TNFRSF8: variants seen among roughly 807,000 people sequenced by gnomAD.
TNFRSF8 encodes the protein TNF receptor superfamily member 8, also known as tumor necrosis factor receptor superfamily member 8.
A neutral mutation model predicts 70.8 loss-of-function variants in TNFRSF8; 26 were observed. That is an observed-to-expected ratio of 0.37 (90% confidence interval 0.27 to 0.51). The LOEUF (loss-of-function observed/expected upper bound fraction) is 0.51, where lower values mean the gene tolerates loss of function less well. Among genes scored for constraint, TNFRSF8 ranks in the 20% least tolerant of loss-of-function variants. TNFRSF8 has a pLI of 0.94. For synonymous variants in TNFRSF8, 356 were observed against 339.2 expected (o/e 1.05, Z -0.54); for missense variants, 720 against 807.9 (o/e 0.89, Z 1.32).
chr1:12,065,723 A>G (rs1018705498), intron 1 of TNFRSF8, among the ~76,000 whole-genome samples: 14 of 152,296 alleles, frequency 9.2e-5, no homozygotes, highest in African/African-American at 2.6e-4. Context: ...TCCTCTGCCT[A>G]TCTTTTAAAA....
intron 13 of TNFRSF8, among the ~76,000 whole-genome samples, chr1:12,136,163 C>T (rs541717660): frequency 3.8e-4 from 57 of 151,348 alleles, no homozygotes; most frequent in South Asian, 1.9e-3. Context: ...TTTCATTTTT[C>T]AATATAATAT....
At position 12,063,793 on chromosome 1, in the gene TNFRSF8, A is replaced by C; in HGVS notation, c.63+132A>C. The C allele has an allele frequency of 1.2e-6, 1 of 840,246 alleles. No homozygotes were observed. Among genetic ancestry groups the C allele is most frequent in the South Asian group, 5.9e-5 (1 of 16,958 alleles). 52.0% of individuals were successfully genotyped at this position (840,246 alleles called of 1,614,324 possible). On this transcript the variant is annotated intron_variant, in intron 1 of 14. Transcript: ENST00000263932. The surrounding 1 kb of genome is among the most constrained non-coding windows in gnomAD (Gnocchi z 7.2). ...GCTGGAGTGAGGGGGCGCGGGTGACAAGCAGGAACACCGGAATATGCTAGC... is the reference window on the plus strand; with the variant it reads ...GCTGGAGTGAGGGGGCGCGGGTGACCAGCAGGAACACCGGAATATGCTAGC...
At chr1:12,131,007 G>A (rs1019653071) in intron 12 of TNFRSF8, among the ~76,000 whole-genome samples, 2 of 152,202 alleles carry the variant, frequency 1.3e-5, no homozygotes, top group African/African-American at 4.8e-5. Context: ...TTTTACACTT[G>A]TTTGGGAGAG....
intron 14 of TNFRSF8, among the ~76,000 whole-genome samples, chr1:12,139,894 C>T (rs1447930659): frequency 1.3e-5 from 2 of 152,250 alleles, no homozygotes; most frequent in African/African-American, 2.4e-5. Context: ...GCCTTGGCCT[C>T]CCAAAGTACT....
At chr1:12,114,466 G>T (rs1215690467) in intron 7 of TNFRSF8, among the ~76,000 whole-genome samples, 1 of 152,128 alleles carries the variant, frequency 6.6e-6, no homozygotes, top group Non-Finnish European at 1.5e-5. Context: ...TGTAAGAAGA[G>T]ACTGTCCAGC....
rs1006852507 is a variant in TNFRSF8 at position 12,088,087 on chromosome 1, C to T, written c.151+3536C>T. The stretch of plus-strand genomic sequence containing the variant: ...CTGTGTGGCCGGGTTTGCTTGTGGG[C>T]GGGTTGGTGGAGGAAGGAAGCTGAG... On this transcript the variant is annotated intron_variant, in intron 2 of 14. Coordinates refer to ENST00000263932, the MANE Select transcript of TNFRSF8 (RefSeq NM_001243.5). The surrounding 1 kb of genome is among the most constrained non-coding windows in gnomAD (Gnocchi z 4.0). 1.3e-5 allele frequency among the ~76,000 whole-genome samples: 2 copies of T among 152,018 alleles called. No individual in the cohort carries two copies. Among genetic ancestry groups the T allele is most frequent in the Non-Finnish European group, 2.9e-5 (2 of 68,024 alleles).
chr1:12,123,144 A>G (rs1196262518), intron 8 of TNFRSF8, 140 bp from the exon 9 acceptor site: 24 of 679,898 alleles, frequency 3.5e-5, no homozygotes, highest in Non-Finnish European at 5.3e-5. Flanking sequence ...TTCCACTTTG[A>G]TCTTTTGAAA....
chr1:12,063,655 C>T lies in TNFRSF8; in HGVS notation c.57C>T (p.Phe19=). The change falls in exon 1 of 15, where the codon TTC becomes TTT. Residue 19 remains phenylalanine (F), a synonymous_variant. Coordinates refer to ENST00000263932, the MANE Select transcript of TNFRSF8 (RefSeq NM_001243.5). The surrounding 1 kb of genome is among the most constrained non-coding windows in gnomAD (Gnocchi z 7.2). ...GLLFLGALRA[F]PQDRPFEDTC... Reference sequence around the variant, plus strand: ...TGTTCCTGGGGGCGCTACGAGCCTTCCCACAGGTAAGCGGGTGACGGGCGC... The same window carrying T: ...TGTTCCTGGGGGCGCTACGAGCCTTTCCACAGGTAAGCGGGTGACGGGCGC... 1 of 1,277,468 alleles carries T rather than the reference C, an allele frequency of 7.8e-7. No homozygotes were observed. Among genetic ancestry groups the T allele is most frequent in the Non-Finnish European group, 1.0e-6 (1 of 1,002,654 alleles). 79.1% of individuals were successfully genotyped at this position (1,277,468 alleles called of 1,614,324 possible). A position where few individuals can be genotyped will look rare whatever the true frequency, so the allele number is the denominator to read the frequency against.
At chr1:12,128,833 C>CTTTT (rs60878706) in intron 12 of TNFRSF8, among the ~76,000 whole-genome samples, 22,023 of 111,564 alleles carry the variant, frequency 0.2, 3,831 homozygotes, top group East Asian at 0.4. Flanking sequence ...GTCTAAAATT[C>CTTTT]TTTTTTTTTT....
rs142351498 is a variant in TNFRSF8, at chr1:12,142,321, C to T, written c.1578C>T (p.Ile526=). 309 of 1,603,898 alleles carry T rather than the reference C, an allele frequency of 1.9e-4. 2 individuals are homozygous for T. Among genetic ancestry groups the T allele is most frequent in the South Asian group, 8.0e-4 (72 of 89,522 alleles). The change falls in exon 15 of 15, where the codon ATC becomes ATT. Residue 526 remains isoleucine, a synonymous_variant. Coordinates refer to ENST00000263932, the MANE Select transcript of TNFRSF8 (RefSeq NM_001243.5). The surrounding 1 kb of genome is among the most constrained non-coding windows in gnomAD (Gnocchi z 5.0). ...ACATCATGAAGGCTGACACCGTGATCGTGGGGACCGTGAAGGCTGAGCTGC... is the reference window on the plus strand; with the variant it reads ...ACATCATGAAGGCTGACACCGTGATTGTGGGGACCGTGAAGGCTGAGCTGC... ...KIYIMKADTV[I]VGTVKAELPE... is the part of the protein sequence containing the mutation.
chr1:12,075,059 C>G (rs915983896), intron 1 of TNFRSF8, among the ~76,000 whole-genome samples: 7 of 151,990 alleles, frequency 4.6e-5, no homozygotes, highest in African/African-American at 1.7e-4. Context: ...GAGTTTGAGA[C>G]ATGGTGCAAC....
At chr1:12,075,251 A>AAAAAT (rs1553153115) in intron 1 of TNFRSF8, among the ~76,000 whole-genome samples, 23 of 143,942 alleles carry the variant, frequency 1.6e-4, no homozygotes, top group African/African-American at 6.0e-4. Context: ...CAAAAAAAAA[A>AAAAAT]TTTTTTTTTT....
At chr1:12,132,447 G>A (rs763779945) in intron 12 of TNFRSF8, among the ~76,000 whole-genome samples, 4 of 152,212 alleles carry the variant, frequency 2.6e-5, no homozygotes, top group East Asian at 1.9e-4. Context: ...TTTGCGGGAC[G>A]CCTGTCTCCT....
chr1:12,096,473 TAAG>T (rs1641333221), intron 2 of TNFRSF8, among the ~76,000 whole-genome samples: 1 of 151,542 alleles, frequency 6.6e-6, no homozygotes, highest in Non-Finnish European at 1.5e-5. Context: ...CATAATGTTT[TAAG>T]AAAGTTTATG....
chr1:12,090,280 C>G (rs1641225844), intron 2 of TNFRSF8, among the ~76,000 whole-genome samples: 1 of 150,704 alleles, frequency 6.6e-6, no homozygotes, highest in Admixed American at 6.6e-5. Context: ...CACTCATCCA[C>G]TCTTCCCTAA....
chr1:12,080,384 G>A, intron 1 of TNFRSF8: 1 of 525,168 alleles, frequency 1.9e-6, no homozygotes, highest in Non-Finnish European at 3.8e-6. Context: ...CTTTGTCACA[G>A]CCTGTTTGCT....
chr1:12,084,856 G>A (rs1014636803), intron 2 of TNFRSF8, among the ~76,000 whole-genome samples: 1 of 152,166 alleles, frequency 6.6e-6, no homozygotes, highest in South Asian at 2.1e-4. Context: ...TTATATGCAC[G>A]GCATCATCTC....
rs565624143 is a variant in TNFRSF8 at position 12,138,087 on chromosome 1, G to A, written c.1336-142G>A. 3.6e-5 allele frequency: 28 copies of A among 785,172 alleles called. No homozygotes were observed. The highest frequency in any genetic ancestry group is 3.8e-4 in the Middle Eastern group (1 of 2,608). The allele number at this position is 785,172 out of a possible 1,614,324, so 48.6% of individuals were successfully genotyped here. On this transcript the variant is annotated intron_variant, in intron 13 of 14. Transcript: ENST00000263932. The surrounding 1 kb of genome is among the most constrained non-coding windows in gnomAD (Gnocchi z 5.7). ...CTTCACCCAGAAAGCTGAGAAGCCC[G>A]GGGCAGCTCATGGCAGCTTTTAAAG...
At chr1:12,124,161 C>G (rs1411175641) in intron 10 of TNFRSF8, among the ~76,000 whole-genome samples, 1 of 152,070 alleles carries the variant, frequency 6.6e-6, no homozygotes, top group Admixed American at 6.5e-5. Context: ...CTTGCCACCA[C>G]GCCTGGCTAA....
Sources: allele counts gnomAD v4.1 joint callset (sites outside exome capture counted in the v4.1 genomes callset), GRCh38; gene constraint gnomAD v4.1.1; non-coding constraint Gnocchi (gnomAD v3.1); transcripts MANE v1.5; gene names NCBI Gene and HGNC (gene_info 2026-07-23, HGNC 2026-07-21).